Variants in CGAS observed in about 807,000 individuals in gnomAD.
CGAS encodes cyclic GMP-AMP synthase, also known as 2'3'-cGAMP synthase.
A neutral mutation model predicts 34.0 loss-of-function variants in CGAS; 31 were observed. The observed-to-expected ratio is 0.91, with a 90% CI of 0.69 to 1.23. The LOEUF is 1.23. Ranked by LOEUF, CGAS falls within the 50% of genes most tolerant of loss-of-function variation. CGAS has a pLI of 0.00. For synonymous variants in CGAS, 266 were observed against 260.0 expected (o/e 1.02, Z -0.22); for missense variants, 597 against 657.6 (o/e 0.91, Z 1.01).
chr6:73,451,637 G>A lies in CGAS; in HGVS notation c.545C>T (p.Ala182Val). ...CACAACCCCTTTCACCATCCCCGCCGCCGTGGAGATATCATCGCGGCTGAG... is the reference window on the plus strand; with the variant it reads ...CACAACCCCTTTCACCATCCCCGCCACCGTGGAGATATCATCGCGGCTGAG... ...LKLSRDDIST[A>V]AGMVKGVVDH... The change falls in exon 1 of 5, where the codon GCG becomes GTG. Residue 182 changes from alanine (A) to valine (V), a missense_variant. Ala to Val is a moderately conservative substitution (Grantham distance 64, BLOSUM62 0). Coordinates refer to ENST00000370315, the MANE Select transcript of CGAS (RefSeq NM_138441.3). 1 of 1,614,124 alleles carries A rather than the reference G, an allele frequency of 6.2e-7. No individual in the cohort carries two copies. Among genetic ancestry groups the A allele is most frequent in the Non-Finnish European group, 8.5e-7 (1 of 1,180,024 alleles).
At chr6:73,433,949 G>T (rs1770236772) in intron 3 of CGAS, among the ~76,000 whole-genome samples, 1 of 152,156 alleles carries the variant, frequency 6.6e-6, no homozygotes, top group Non-Finnish European at 1.5e-5. Context: ...ATTCCAAAAA[G>T]TATTTTGTGG....
Position 73,451,704 on chromosome 6 carries a change from G to A in CGAS, c.478C>T (p.Pro160Ser), listed in dbSNP as rs1052171026. 6.2e-7 allele frequency: 1 copy of A among 1,613,766 alleles called. No individual in the cohort carries two copies. The highest frequency in any genetic ancestry group is 1.3e-5 in the African/African-American group (1 of 75,074). ...APILVRRDAA[P>S]GASKLRAVLE... is the part of the protein sequence containing the mutation. ...ACCGCCCGGAGCTTCGAGGCCCCAGGCGCCGCATCCCTCCGTACGAGAATG... is the reference window on the plus strand; with the variant it reads ...ACCGCCCGGAGCTTCGAGGCCCCAGACGCCGCATCCCTCCGTACGAGAATG... Residue 160 changes from proline (P) to serine (S), a missense_variant, in exon 1 of 5, where the codon CCT becomes TCT. By Grantham distance (74) the Pro-to-Ser change is moderately conservative (BLOSUM62 -1). Transcript: ENST00000370315.
chr6:73,437,134 A>C (rs920123859), intron 3 of CGAS, among the ~76,000 whole-genome samples: 14 of 152,158 alleles, frequency 9.2e-5, no homozygotes, highest in African/African-American at 2.9e-4. Flanking sequence ...CCTGGGCAAC[A>C]GAGCGAGACT....
intron 3 of CGAS, among the ~76,000 whole-genome samples, chr6:73,439,209 AAAT>A (rs983052649): frequency 6.6e-6 from 1 of 152,036 alleles, no homozygotes; most frequent in Non-Finnish European, 1.5e-5. Flanking sequence ...GAGAAAATGA[AAAT>A]AATCAGCTAC....
intron 4 of CGAS, among the ~76,000 whole-genome samples, chr6:73,428,464 A>AG (rs1770127592): frequency 6.6e-6 from 1 of 152,052 alleles, no homozygotes; most frequent in Non-Finnish European, 1.5e-5. Context: ...TCTATACAAA[A>AG]ACACATTCAT....
At position 73,425,313 on chromosome 6, in the gene CGAS, A is replaced by T. The variant is rs763507557; in HGVS notation, c.1483T>A (p.Leu495Ile). Residue 495 changes from leucine (L) to isoleucine (I), a missense_variant, in exon 5 of 5, where the codon TTA (leucine) becomes ATA (isoleucine). Coordinates refer to ENST00000370315, the MANE Select transcript of CGAS (RefSeq NM_138441.3). ...IPEFNLFSSN[L>I]IDKRSKEFLT... ...AATTCCTTACTTCTTTTGTCAATTA[A>T]GTTGCTAGAGAATAGATTGAATTCA... is the stretch of plus-strand genomic sequence containing the variant. The T allele has an allele frequency of 6.2e-7, 1 of 1,605,906 alleles. No homozygotes were observed. Among genetic ancestry groups the T allele is most frequent in the Non-Finnish European group, 8.5e-7 (1 of 1,178,206 alleles).
intron 2 of CGAS, among the ~76,000 whole-genome samples, chr6:73,441,281 A>C (rs1770375926): frequency 6.6e-6 from 1 of 151,876 alleles, no homozygotes. Flanking sequence ...TATAGATGGC[A>C]GAATGGAGGG....
rs562248568 is a variant in CGAS at position 73,434,242 on chromosome 6, AG to A, written c.1115-5432del. ...CGTGAATTGAAACCCACAGATATGG[AG>A]GGCCAACTGTATTATATCATTTTAT... On this transcript the variant is annotated intron_variant, in intron 3 of 4. Coordinates refer to ENST00000370315, the MANE Select transcript of CGAS (RefSeq NM_138441.3). Among the ~76,000 whole-genome samples the A allele has an allele frequency of 1.6e-3, 243 of 152,302 alleles. 1 individual carries two copies. Among genetic ancestry groups the A allele is most frequent in the Middle Eastern group, 6.8e-3 (2 of 294 alleles).
At position 73,425,348 on chromosome 6, in the gene CGAS, T is replaced by A. The variant is rs138984002; in HGVS notation, c.1448A>T (p.Tyr483Phe). The change falls in exon 5 of 5, where the codon TAT (tyrosine) becomes TTT (phenylalanine). Residue 483 changes from tyrosine (Y) to phenylalanine (F), a missense_variant. By Grantham distance (22) the Tyr-to-Phe change is conservative. Coordinates refer to ENST00000370315, the MANE Select transcript of CGAS (RefSeq NM_138441.3). ...QCLRTEKLEN[Y>F]FIPEFNLFSS... ...GAATAGATTGAATTCAGGAATAAAA[T>A]AATTCTCAAGTTTTTCTGTCCTGAG... 2.2e-4 allele frequency: 360 copies of A among 1,611,602 alleles called. 1 individual carries two copies. In the African/African-American group the frequency reaches 3.9e-3, roughly 18 times the overall value.
At chr6:73,439,007 C>A (rs7763873) in intron 3 of CGAS, among the ~76,000 whole-genome samples, 6,003 of 152,170 alleles carry the variant, frequency 0.039, 189 homozygotes, top group East Asian at 0.18. Flanking sequence ...AATGATTCCT[C>A]TATGTATGCA....
chr6:73,451,563 C>G lies in CGAS; in HGVS notation c.619G>C (p.Gly207Arg). Reference protein sequence around the residue: ...LKCDSAFRGVGLLNTGSYYEH... With the variant: ...LKCDSAFRGVRLLNTGSYYEH... ...TAGTAGCTCCCGGTGTTCAGCAGCC[C>G]GACGCCTCTGAACGCGGAGTCGCAC... is the stretch of plus-strand genomic sequence containing the variant. Residue 207 changes from glycine to arginine, a missense_variant, in exon 1 of 5, where the codon GGG becomes CGG. Gly to Arg is a moderately radical substitution (Grantham distance 125). This residue lies in a region of CGAS where 321 missense variants were observed against 314.3 expected (regional missense o/e 1.02). Coordinates refer to ENST00000370315, the MANE Select transcript of CGAS (RefSeq NM_138441.3). 6.2e-7 allele frequency: 1 copy of G among 1,604,514 alleles called. No individual in the cohort carries two copies. Among genetic ancestry groups the G allele is most frequent in the South Asian group, 1.1e-5 (1 of 89,620 alleles).
chr6:73,425,717 G>A, intron 4 of CGAS, 139 bp from the exon 5 acceptor site: 2 of 578,780 alleles, frequency 3.5e-6, no homozygotes, highest in Non-Finnish European at 5.9e-6. Context: ...CACAACGCCT[G>A]TAATCCCAGC....
In CGAS at chr6:73,445,654, C is replaced by T. The variant is rs1770456944; in HGVS notation, c.751G>A (p.Val251Met). The change falls in exon 2 of 5, where the codon GTG becomes ATG. Residue 251 changes from valine (V) to methionine (M), a missense_variant. By Grantham distance (21) the Val-to-Met change is conservative. Coordinates refer to ENST00000370315, the MANE Select transcript of CGAS (RefSeq NM_138441.3). ...EYSNTRAYYF[V>M]KFKRNPKENP... ...TCTTTCGGATTTCTTTTAAATTTCA[C>T]AAAGTAATATGCACGAGTGTTGGAA... is the stretch of plus-strand genomic sequence containing the variant. The T allele has an allele frequency of 1.2e-6, 2 of 1,612,670 alleles. No individual in the cohort carries two copies. Among genetic ancestry groups the T allele is most frequent in the Non-Finnish European group, 1.7e-6 (2 of 1,179,526 alleles).
At chr6:73,443,473 C>T (rs1770417705) in intron 2 of CGAS, among the ~76,000 whole-genome samples, 1 of 151,686 alleles carries the variant, frequency 6.6e-6, no homozygotes, top group Admixed American at 6.6e-5. Context: ...CTCCTGACCT[C>T]GTGATCCACC....
At position 73,440,325 on chromosome 6, in the gene CGAS, C is replaced by T; in HGVS notation, c.998G>A (p.Ser333Asn). ...ALESKSSWPA[S>N]TQEGLRIQNW... ...TTGAATGCGCAGGCCTTCTTGGGTG[C>T]TAGCAGGCCAGCTACTTTTTGATTC... The change falls in exon 3 of 5, where the codon AGC becomes AAC. Residue 333 changes from serine (S) to asparagine (N), a missense_variant. Around this residue, in one of 3 missense-constraint regions of CGAS, gnomAD observed 271 missense variants for 324.1 expected, o/e 0.84. Coordinates refer to ENST00000370315, the MANE Select transcript of CGAS (RefSeq NM_138441.3). 1 of 1,614,196 alleles carries T rather than the reference C, an allele frequency of 6.2e-7. No individual in the cohort carries two copies. The highest frequency in any genetic ancestry group is 8.5e-7 in the Non-Finnish European group (1 of 1,180,046).
rs544917210 is a variant in CGAS at position 73,451,507 on chromosome 6, G to A, written c.657+18C>T. 1.3e-6 allele frequency: 2 copies of A among 1,523,174 alleles called. No homozygotes were observed. Among genetic ancestry groups the A allele is most frequent in the East Asian group, 2.5e-5 (1 of 40,398 alleles). The allele number at this position is 1,523,174 out of a possible 1,614,324, so 94.4% of individuals were successfully genotyped here. On this transcript the variant is annotated intron_variant, in intron 1 of 4. Coordinates refer to ENST00000370315, the MANE Select transcript of CGAS (RefSeq NM_138441.3). ...GGCCGAGCAGCGGGGCTCGGCGGGA[G>A]GGCGCCAAGCAGCTCACCTTCACGT...
intron 3 of CGAS, among the ~76,000 whole-genome samples, chr6:73,432,192 C>T (rs1049419049): frequency 6.6e-6 from 1 of 152,034 alleles, no homozygotes; most frequent in Non-Finnish European, 1.5e-5. Flanking sequence ...GATTGAGTCT[C>T]GCTCTGTTGC....
At chr6:73,446,121 G>C (rs1323348172) in intron 1 of CGAS, among the ~76,000 whole-genome samples, 1 of 148,724 alleles carries the variant, frequency 6.7e-6, no homozygotes, top group East Asian at 1.9e-4. Flanking sequence ...CTGAGGTCAG[G>C]TGTTCGAGAC....
chr6:73,431,046 G>A (rs535706610), intron 3 of CGAS, among the ~76,000 whole-genome samples: 12 of 152,012 alleles, frequency 7.9e-5, no homozygotes, highest in Admixed American at 2.6e-4. Context: ...AGGTTGCAGT[G>A]AGCCAAGATC....
Sources: allele counts gnomAD v4.1 joint callset (sites outside exome capture counted in the v4.1 genomes callset), GRCh38; gene constraint gnomAD v4.1.1; regional missense constraint gnomAD v4.1.1; transcripts MANE v1.5; gene names NCBI Gene and HGNC (gene_info 2026-07-23, HGNC 2026-07-21).